The following TBC1D9 variants were observed in gnomAD, a reference collection of about 807,000 sequenced individuals.
TBC1D9 encodes the protein TBC1 domain family member 9A.
A neutral mutation model predicts 132.0 loss-of-function variants in TBC1D9; 63 were observed. That is an observed-to-expected ratio of 0.48 (90% CI 0.39 to 0.59). The LOEUF (loss-of-function observed/expected upper bound fraction) is 0.59. TBC1D9 is among the 20% of genes least tolerant of loss of function. The probability of loss-of-function intolerance (pLI) is 0.00; values close to 1 mark genes in which losing one functional copy is unlikely to be tolerated. For synonymous variants in TBC1D9, 610 were observed against 609.9 expected (o/e 1.00, Z 0.00); for missense variants, 1,261 against 1,592.7 (o/e 0.79, Z 3.54).
At chr4:140,725,793 A>G (rs1738493399) in intron 1 of TBC1D9, among the ~76,000 whole-genome samples, 1 of 152,120 alleles carries the variant, frequency 6.6e-6, no homozygotes, top group Non-Finnish European at 1.5e-5. Context: ...GGATTCAGGG[A>G]AGTGTGGGAT....
At chr4:140,753,276 T>C (rs1738953611) in intron 1 of TBC1D9, among the ~76,000 whole-genome samples, 1 of 151,962 alleles carries the variant, frequency 6.6e-6, no homozygotes, top group Non-Finnish European at 1.5e-5. Context: ...TTTCCTTTTC[T>C]AGCGATAAGG....
At chr4:140,688,244 A>G (rs1737819944) in intron 2 of TBC1D9, among the ~76,000 whole-genome samples, 1 of 152,218 alleles carries the variant, frequency 6.6e-6, no homozygotes, top group Non-Finnish European at 1.5e-5. Context: ...ACTGTCCTAC[A>G]ATGTCATGGC....
chr4:140,702,246 T>C (rs541851126), intron 1 of TBC1D9, among the ~76,000 whole-genome samples: 1 of 152,378 alleles, frequency 6.6e-6, no homozygotes, highest in South Asian at 2.1e-4. Context: ...GTGATCCACT[T>C]ATCCAGGGTT....
At chr4:140,685,109 T>C (rs2111023588) in intron 3 of TBC1D9, among the ~76,000 whole-genome samples, 1 of 152,320 alleles carries the variant, frequency 6.6e-6, no homozygotes, top group East Asian at 1.9e-4. Context: ...ATCACCATCT[T>C]GTAAACTGTC....
At chr4:140,654,483 G>T (rs1199792178) in intron 13 of TBC1D9, among the ~76,000 whole-genome samples, 2 of 116,964 alleles carry the variant, frequency 1.7e-5, no homozygotes, top group African/African-American at 3.0e-5. Flanking sequence ...GTGGGGGGGG[G>T]TACTACGAAT....
intron 1 of TBC1D9, among the ~76,000 whole-genome samples, chr4:140,716,797 T>A (rs1403543581): frequency 1.3e-5 from 2 of 151,962 alleles, no homozygotes; most frequent in Non-Finnish European, 2.9e-5. Context: ...TTTTTCACCC[T>A]TAATTATATT....
chr4:140,731,490 G>A (rs976634692), intron 1 of TBC1D9, among the ~76,000 whole-genome samples: 1 of 152,028 alleles, frequency 6.6e-6, no homozygotes, highest in Non-Finnish European at 1.5e-5. Context: ...CCAGGAGTTC[G>A]AGACCAGCGT....
intron 1 of TBC1D9, among the ~76,000 whole-genome samples, chr4:140,725,043 G>A (rs903256860): frequency 6.6e-6 from 1 of 152,092 alleles, no homozygotes; most frequent in East Asian, 1.9e-4. Context: ...ATGGCCCTAC[G>A]ATTTCACTTG....
rs1245348674 is a variant in TBC1D9 at position 140,657,660 on chromosome 4, C to A, written c.2074G>T (p.Val692Phe). 1.9e-6 allele frequency: 3 copies of A among 1,614,050 alleles called. No individual in the cohort carries two copies. ...FLSVMPFESA[V>F]VVVDCFFYEG... is the part of the protein sequence containing the mutation. The stretch of plus-strand genomic sequence containing the variant: ...TAGAAGAAACAGTCAACAACCACAA[C>A]TGCACTCTCAAAAGGCATCACACTG... The change falls in exon 12 of 21, where the codon GTT (valine) becomes TTT (phenylalanine). Residue 692 changes from valine to phenylalanine, a missense_variant. This residue lies in a region of TBC1D9 where 93 missense variants were observed against 169.2 expected (regional missense o/e 0.55). Coordinates refer to ENST00000442267, the MANE Select transcript of TBC1D9 (RefSeq NM_015130.3).
chr4:140,731,740 T>C (rs1578860243), intron 1 of TBC1D9, among the ~76,000 whole-genome samples: 1 of 151,930 alleles, frequency 6.6e-6, no homozygotes, highest in African/African-American at 2.4e-5. Context: ...ACAAATCTGA[T>C]CGTCACAAAA....
intron 6 of TBC1D9, among the ~76,000 whole-genome samples, chr4:140,672,263 A>G (rs1230898916): frequency 1.3e-5 from 2 of 149,154 alleles, no homozygotes; most frequent in Admixed American, 6.7e-5. Context: ...AGAATATTAA[A>G]AATATATATT....
chr4:140,641,162 A>C lies in TBC1D9; in HGVS notation c.2338-1734T>G, dbSNP rs75952721. ...GTGAGATTCCATTTGTATCAAGTTC[A>C]AAAGAAATCAAAGATCATCTACGCT... is the stretch of plus-strand genomic sequence containing the variant. On this transcript the variant is annotated intron_variant, in intron 13 of 20. Coordinates refer to ENST00000442267, the MANE Select transcript of TBC1D9 (RefSeq NM_015130.3). Among the ~76,000 whole-genome samples the C allele has an allele frequency of 6.3e-3, 953 of 151,430 alleles. 15 individuals carry two copies. Among genetic ancestry groups the C allele is most frequent in the African/African-American group, 0.022 (918 of 41,172 alleles).
chr4:140,676,813 T>C, intron 6 of TBC1D9, 81 bp downstream of exon 6: 1 of 1,536,588 alleles, frequency 6.5e-7, no homozygotes, highest in Non-Finnish European at 8.8e-7. Context: ...AAGCCAATTG[T>C]TGGTAAAAAA....
chr4:140,705,775 T>G (rs1007463053), intron 1 of TBC1D9, among the ~76,000 whole-genome samples: 2 of 152,230 alleles, frequency 1.3e-5, no homozygotes, highest in Non-Finnish European at 2.9e-5. Flanking sequence ...GTCAAAATAC[T>G]GAACCTTTTC....
intron 13 of TBC1D9, among the ~76,000 whole-genome samples, chr4:140,652,099 G>C (rs1403230290): frequency 1.3e-5 from 2 of 152,068 alleles, no homozygotes; most frequent in East Asian, 3.8e-4. Flanking sequence ...AGATTAGCCA[G>C]CCTTGGTGGT....
At chr4:140,722,230 C>G (rs2111059190) in intron 1 of TBC1D9, among the ~76,000 whole-genome samples, 1 of 152,276 alleles carries the variant, frequency 6.6e-6, no homozygotes, top group South Asian at 2.1e-4. Context: ...CCACTAATCA[C>G]TTTTAAATTT....
intron 10 of TBC1D9, among the ~76,000 whole-genome samples, chr4:140,660,684 A>G (rs1737342937): frequency 1.3e-5 from 2 of 152,172 alleles, no homozygotes; most frequent in Non-Finnish European, 2.9e-5. Flanking sequence ...CAGAGTGGTG[A>G]TATCTTGCAG....
rs1249732748 is a variant in TBC1D9, at chr4:140,701,549, A to G, written c.196T>C (p.Leu66=). Residue 66 remains leucine, a synonymous_variant, in exon 2 of 21, where the codon TTG becomes CTG. Coordinates refer to ENST00000442267, the MANE Select transcript of TBC1D9 (RefSeq NM_015130.3). The stretch of plus-strand genomic sequence containing the variant: ...ACCAGGGAGTCTGGAGTCTGGTACA[A>G]GATTCGGTAAGGAGCGACCCGGGCG... ...SSARVAPYRI[L]YQTPDSLVYW... is the part of the protein sequence containing the mutation. 1.2e-6 allele frequency: 2 copies of G among 1,613,952 alleles called. No homozygotes were observed. The highest frequency in any genetic ancestry group is 2.2e-5 in the South Asian group (2 of 91,074).
At chr4:140,744,831 C>T (rs1738812824) in intron 1 of TBC1D9, among the ~76,000 whole-genome samples, 1 of 147,364 alleles carries the variant, frequency 6.8e-6, no homozygotes, top group Admixed American at 7.0e-5. Context: ...TGCAGTAAGC[C>T]GAAATCTTGC....
Sources: gnomAD v4.1 joint callset for allele counts (sites outside exome capture counted in the v4.1 genomes callset) on GRCh38, gnomAD v4.1.1 for gene constraint, gnomAD v4.1.1 regional missense constraint, MANE v1.5 for transcripts, NCBI Gene and HGNC (gene_info 2026-07-23, HGNC 2026-07-21) for gene names.